TLN2: variants seen among roughly 807,000 people sequenced by gnomAD.
The protein encoded by TLN2 is talin-2.
Under a neutral mutation model 294.7 loss-of-function variants are expected in TLN2, and 118 were observed. The ratio of observed to expected loss-of-function variants is 0.40; its 90% confidence interval spans 0.34 to 0.47. The LOEUF is 0.47. Ranked by LOEUF, TLN2 falls within the 20% of genes least tolerant of loss-of-function variation. TLN2 has a pLI of 0.84. For missense variants in TLN2, 3,083 were observed against 3,282.2 expected (o/e 0.94, Z 1.48); for synonymous variants, 1,431 against 1,304.5 (o/e 1.10, Z -2.09).
At chr15:62,608,789 G>T (rs2047662610) in intron 2 of TLN2, among the ~76,000 whole-genome samples, 2 of 152,186 alleles carry the variant, frequency 1.3e-5, no homozygotes, top group Non-Finnish European at 2.9e-5. Flanking sequence ...GTGCAGAACT[G>T]GTGAATGCAA....
At chr15:62,538,692 G>A (rs983060965) in intron 1 of TLN2, among the ~76,000 whole-genome samples, 2 of 152,202 alleles carry the variant, frequency 1.3e-5, no homozygotes, top group African/African-American at 4.8e-5. Flanking sequence ...AGTTGTACCT[G>A]TAAATTAGAA....
intron 11 of TLN2, among the ~76,000 whole-genome samples, chr15:62,684,695 G>T (rs1364035018): frequency 4.6e-5 from 7 of 151,942 alleles, no homozygotes; most frequent in Non-Finnish European, 1.0e-4. Context: ...ACAGTAAACT[G>T]CAGTAGACAG....
intron 1 of TLN2, among the ~76,000 whole-genome samples, chr15:62,456,041 T>C (rs1241861772): frequency 6.6e-6 from 1 of 150,534 alleles, no homozygotes; most frequent in Non-Finnish European, 1.5e-5. Context: ...TCTATTAACC[T>C]GCTGGGTGAC....
chr15:62,761,983 C>T (rs756187330), intron 38 of TLN2, among the ~76,000 whole-genome samples, 162 bp downstream of exon 38: 2 of 152,216 alleles, frequency 1.3e-5, no homozygotes, highest in Non-Finnish European at 2.9e-5. Flanking sequence ...AACACAATGA[C>T]TACACCTCTG....
intron 25 of TLN2, among the ~76,000 whole-genome samples, chr15:62,721,239 T>TTAAA: frequency 6.6e-6 from 1 of 152,364 alleles, no homozygotes; most frequent in African/African-American, 2.4e-5. Flanking sequence ...ATAACATTGC[T>TTAAA]CTTCCAGGAG....
intron 35 of TLN2, among the ~76,000 whole-genome samples, chr15:62,753,073 T>G (rs1486750985): frequency 1.3e-5 from 2 of 152,200 alleles, no homozygotes; most frequent in Non-Finnish European, 2.9e-5. Context: ...AGAAATGAAA[T>G]AAGATCAAAA....
chr15:62,785,513 G>A (rs370695150), intron 45 of TLN2, among the ~76,000 whole-genome samples: 343 of 152,296 alleles, frequency 2.3e-3, no homozygotes, highest in Admixed American at 3.4e-3. Flanking sequence ...AATACTGGGC[G>A]TGATGGTGTG....
At chr15:62,559,874 C>G (rs2042821461) in intron 1 of TLN2, among the ~76,000 whole-genome samples, 1 of 152,190 alleles carries the variant, frequency 6.6e-6, no homozygotes, top group South Asian at 2.1e-4. Context: ...TTATTACCTC[C>G]CAGTTTCCAG....
At position 62,844,302 on chromosome 15, in the gene TLN2, G is replaced by T. The variant is rs1168164665; in HGVS notation, c.*3692G>T. 1 of 152,016 alleles carries T rather than the reference G, an allele frequency of 6.6e-6. No homozygotes were observed. Among genetic ancestry groups the T allele is most frequent in the Non-Finnish European group, 1.5e-5 (1 of 68,014 alleles). The allele number at this position is 152,016 out of a possible 1,614,324, so 9.4% of individuals were successfully genotyped here. ...GTTTATGGTCACTACGGATGAGTGTGTGCAGAGTTTGGGTTGATTCTTTTA... is the reference window on the plus strand; with the variant it reads ...GTTTATGGTCACTACGGATGAGTGTTTGCAGAGTTTGGGTTGATTCTTTTA... On this transcript the variant is annotated 3_prime_UTR_variant, in exon 59 of 59. Coordinates refer to ENST00000636159, the MANE Select transcript of TLN2 (RefSeq NM_015059.3).
intron 38 of TLN2, 107 bp downstream of exon 38, chr15:62,761,928 G>A: frequency 7.0e-7 from 1 of 1,438,040 alleles, no homozygotes; most frequent in Non-Finnish European, 9.7e-7. Context: ...TCAACATGTA[G>A]GCTACTGTTA....
chr15:62,401,222 T>A (rs753844306), intron 1 of TLN2, among the ~76,000 whole-genome samples: 7 of 152,218 alleles, frequency 4.6e-5, no homozygotes, highest in Non-Finnish European at 7.3e-5. Context: ...TCCTTCTCAC[T>A]GATCTCCTAG....
intron 1 of TLN2, among the ~76,000 whole-genome samples, chr15:62,505,532 C>T (rs137995567): frequency 6.6e-6 from 1 of 152,174 alleles, no homozygotes; most frequent in Non-Finnish European, 1.5e-5. Flanking sequence ...CACCTGCCCT[C>T]TAATTGGGGT....
Position 62,700,998 on chromosome 15 carries a change from A to G in TLN2, c.1588-108A>G, listed in dbSNP as rs993068216. ...TAAGGGCCCTGTCGGTGCTGGCCTC[A>G]TAAGAAGAATGTAGCCAAAATGCTG... On this transcript the variant is annotated intron_variant, in intron 16 of 58. Transcript: ENST00000636159. The G allele has an allele frequency of 6.3e-6, 6 of 948,498 alleles. No homozygotes were observed. The African/African-American group carries it at 9.8e-5, about 15-fold the overall frequency. 58.8% of individuals were successfully genotyped at this position (948,498 alleles called of 1,614,324 possible).
chr15:62,634,022 C>T (rs527351041), intron 3 of TLN2, among the ~76,000 whole-genome samples: 71 of 152,288 alleles, frequency 4.7e-4, no homozygotes, highest in African/African-American at 1.3e-3. Context: ...ACGGTCAATT[C>T]GGATTATGAC....
intron 28 of TLN2, among the ~76,000 whole-genome samples, chr15:62,731,651 C>G (rs2060733864): frequency 6.6e-6 from 1 of 152,156 alleles, no homozygotes; most frequent in African/African-American, 2.4e-5. Flanking sequence ...TATCAAGAAA[C>G]TTTACTCAGC....
rs543611861 is a variant in TLN2, at chr15:62,666,914, C to T, written c.789-6913C>T. ...TGTTACAAGATGCCGGGCCTCACCCCCAGAGCCTCTTATCCAGCAGGTGTG... is the reference window on the plus strand; with the variant it reads ...TGTTACAAGATGCCGGGCCTCACCCTCAGAGCCTCTTATCCAGCAGGTGTG... On this transcript the variant is annotated intron_variant, in intron 9 of 58. Transcript: ENST00000636159. Among the ~76,000 whole-genome samples the T allele has an allele frequency of 2.0e-5, 3 of 152,354 alleles. No homozygotes were observed. In the East Asian group the frequency reaches 5.8e-4, roughly 29 times the overall value.
chr15:62,686,768 G>A lies in TLN2; in HGVS notation c.1085G>A (p.Trp362Ter). ...QEWPLTTVKR[W>*]AASPKSFTLD... is the part of the protein sequence containing the mutation. Reference sequence around the variant, plus strand: ...TGGCCCCTCACCACCGTCAAGCGCTGGGCAGCCTCACCCAAGAGCTTCACA... The same window carrying A: ...TGGCCCCTCACCACCGTCAAGCGCTAGGCAGCCTCACCCAAGAGCTTCACA... The change falls in exon 12 of 59, where the codon TGG becomes TAG. Residue 362 changes from tryptophan to a stop codon, truncating the protein, a stop_gained. Coordinates refer to ENST00000636159, the MANE Select transcript of TLN2 (RefSeq NM_015059.3). LOFTEE classifies it high-confidence loss of function. The A allele has an allele frequency of 6.2e-7, 1 of 1,613,410 alleles. No homozygotes were observed.
chr15:62,663,008 A>T (rs1312834312), intron 9 of TLN2, among the ~76,000 whole-genome samples: 3 of 151,948 alleles, frequency 2.0e-5, no homozygotes, highest in Non-Finnish European at 4.4e-5. Context: ...TATTTTTAGT[A>T]GGGACGAGGT....
chr15:62,835,548 G>T, intron 55 of TLN2, 189 bp from the exon 56 acceptor site: 1 of 629,736 alleles, frequency 1.6e-6, no homozygotes, highest in East Asian at 2.7e-5. Context: ...GCCAGGATGT[G>T]CTGTGCAATC....
Sources: allele counts gnomAD v4.1 joint callset (sites outside exome capture counted in the v4.1 genomes callset), GRCh38; gene constraint gnomAD v4.1.1; transcripts MANE v1.5; gene names NCBI Gene and HGNC (gene_info 2026-07-23, HGNC 2026-07-21).